The following RBFOX1 variants were observed in gnomAD, a reference collection of about 807,000 sequenced individuals.
RBFOX1 encodes RNA binding protein fox-1 homolog 1.
Under a neutral mutation model 57.7 loss-of-function variants are expected in RBFOX1, and 8 were observed. The ratio of observed to expected loss-of-function variants is 0.14; its 90% confidence interval spans 0.08 to 0.25. The LOEUF is 0.25. RBFOX1 is among the 10% of genes least tolerant of loss of function. RBFOX1 has a pLI of 1.00. For missense variants in RBFOX1, 611 were observed against 548.5 expected (o/e 1.11, Z -1.14); for synonymous variants, 326 against 222.4 (o/e 1.47, Z -4.15).
chr16:6,152,914 C>G (rs7192664), intron 1 of RBFOX1, among the ~76,000 whole-genome samples: 14,285 of 151,970 alleles, frequency 0.094, 1,499 homozygotes, highest in African/African-American at 0.26. Context: ...GGAAATAAGT[C>G]GATGGTTTTA....
intron 11 of RBFOX1, among the ~76,000 whole-genome samples, chr16:7,645,771 A>C (rs1165042250): frequency 6.6e-6 from 1 of 152,230 alleles, no homozygotes; most frequent in African/African-American, 2.4e-5. Context: ...ACTTCTAAAC[A>C]GCAGTATTTA....
chr16:5,428,576 C>CTGAA (rs894659442), intron 1 of RBFOX1, among the ~76,000 whole-genome samples: 1 of 152,088 alleles, frequency 6.6e-6, no homozygotes, highest in African/African-American at 2.4e-5. Flanking sequence ...AAACAGGCAG[C>CTGAA]TGAAAGAGGA....
chr16:5,714,715 A>G (rs892227785), intron 3 of RBFOX1, among the ~76,000 whole-genome samples: 13 of 152,246 alleles, frequency 8.5e-5, no homozygotes, highest in Non-Finnish European at 1.8e-4. Flanking sequence ...AAAAGCCATA[A>G]TAATAGGAAG....
chr16:6,961,145 C>CCACACACACACACACACA (rs1555682427), intron 3 of RBFOX1, among the ~76,000 whole-genome samples: 1 of 143,658 alleles, frequency 7.0e-6, no homozygotes, highest in Non-Finnish European at 1.5e-5. Flanking sequence ...TCACACACAC[C>CCACACACACACACACACA]CACACAGACA....
intron 3 of RBFOX1, among the ~76,000 whole-genome samples, chr16:5,865,086 A>G (rs554695601): frequency 1.4e-4 from 22 of 152,270 alleles, no homozygotes; most frequent in African/African-American, 4.8e-4. Flanking sequence ...GGAAACACTA[A>G]AAGTATGACT....
Position 5,947,798 on chromosome 16 carries a change from T to C in RBFOX1, c.351+80463T>C, listed in dbSNP as rs1024450625. Among the ~76,000 whole-genome samples the C allele has an allele frequency of 2.0e-5, 3 of 152,238 alleles. No individual in the cohort carries two copies. The highest frequency in any genetic ancestry group is 2.9e-5 in the Non-Finnish European group (2 of 68,050). On this transcript the variant is annotated intron_variant, in intron 4 of 19. Transcript: ENST00000641259. The surrounding 1 kb of genome is among the most constrained non-coding windows in gnomAD (Gnocchi z 7.2). ...AAGGATACAGCTGCCCTTGGTATTCTTCATGGTGATAATGGAAACCTAAGT... is the reference window on the plus strand; with the variant it reads ...AAGGATACAGCTGCCCTTGGTATTCCTCATGGTGATAATGGAAACCTAAGT...
intron 3 of RBFOX1, among the ~76,000 whole-genome samples, chr16:6,986,845 A>T (rs905229141): frequency 6.6e-6 from 1 of 152,128 alleles, no homozygotes; most frequent in African/African-American, 2.4e-5. Flanking sequence ...GTCTTGGTTG[A>T]TGATTTATTA....
At chr16:6,542,066 C>G (rs543834233) in intron 2 of RBFOX1, among the ~76,000 whole-genome samples, 24 of 152,080 alleles carry the variant, frequency 1.6e-4, no homozygotes, top group Non-Finnish European at 2.9e-4. Flanking sequence ...GTAGCTGGGA[C>G]TACAGGTGTG....
chr16:5,733,233 A>G (rs2052447637), intron 3 of RBFOX1, among the ~76,000 whole-genome samples: 1 of 152,230 alleles, frequency 6.6e-6, no homozygotes, highest in South Asian at 2.1e-4. Context: ...CACAGTTTCT[A>G]AACTTTCACT....
At chr16:6,881,758 A>G (rs2062983978) in intron 3 of RBFOX1, among the ~76,000 whole-genome samples, 1 of 152,200 alleles carries the variant, frequency 6.6e-6, no homozygotes, top group Non-Finnish European at 1.5e-5. Flanking sequence ...TGAGCCAGGC[A>G]TGAGCTTATA....
At chr16:6,069,431 G>A (rs1324389270) in intron 1 of RBFOX1, among the ~76,000 whole-genome samples, 1 of 151,298 alleles carries the variant, frequency 6.6e-6, no homozygotes, top group Non-Finnish European at 1.5e-5. Context: ...GGGGATAAAG[G>A]GGGAGAGGGA....
intron 2 of RBFOX1, among the ~76,000 whole-genome samples, chr16:6,561,143 A>G (rs2153909673): frequency 6.6e-6 from 1 of 152,262 alleles, no homozygotes; most frequent in Non-Finnish European, 1.5e-5. Context: ...AAGTAATTGG[A>G]TACTAGTCTG....
chr16:6,554,970 A>G (rs906529269), intron 2 of RBFOX1, among the ~76,000 whole-genome samples: 151 of 152,310 alleles, frequency 9.9e-4, no homozygotes, highest in African/African-American at 3.6e-3. Context: ...GAGTACATCC[A>G]GGTTCTTTTC....
chr16:5,376,271 G>A (rs761675862), intron 1 of RBFOX1, among the ~76,000 whole-genome samples: 2 of 152,136 alleles, frequency 1.3e-5, no homozygotes, highest in Admixed American at 6.5e-5. Context: ...GAGCATGCGC[G>A]GAACTCTGAC....
At chr16:7,657,131 C>G (rs954909076) in intron 12 of RBFOX1, among the ~76,000 whole-genome samples, 4 of 152,044 alleles carry the variant, frequency 2.6e-5, no homozygotes. Context: ...AAAAGGTGTC[C>G]TAGGTCCATG....
intron 4 of RBFOX1, among the ~76,000 whole-genome samples, chr16:7,242,104 T>C (rs2094096390): frequency 6.6e-6 from 1 of 152,084 alleles, no homozygotes; most frequent in African/African-American, 2.4e-5. Context: ...ATTTCCAAAT[T>C]TTCCTTCTGT....
At chr16:5,264,182 A>G (rs1007731910) in intron 1 of RBFOX1, among the ~76,000 whole-genome samples, 2 of 152,178 alleles carry the variant, frequency 1.3e-5, no homozygotes, top group African/African-American at 4.8e-5. Flanking sequence ...TGCAGGATGT[A>G]GCTAGAGTGG....
intron 4 of RBFOX1, among the ~76,000 whole-genome samples, chr16:7,217,479 A>C (rs948101015): frequency 6.6e-6 from 1 of 151,656 alleles, no homozygotes; most frequent in African/African-American, 2.4e-5. Flanking sequence ...GAATATTTGG[A>C]AGCTTTGTTC....
chr16:5,559,115 TC>T (rs1289290801), intron 2 of RBFOX1, among the ~76,000 whole-genome samples: 1 of 131,308 alleles, frequency 7.6e-6, no homozygotes, highest in African/African-American at 3.0e-5. Context: ...TTTGTCTTGC[TC>T]CTCCATAGTA....
Sources: gnomAD v4.1 joint callset for allele counts (sites outside exome capture counted in the v4.1 genomes callset) on GRCh38, gnomAD v4.1.1 for gene constraint, Gnocchi (gnomAD v3.1) non-coding constraint, MANE v1.5 for transcripts, NCBI Gene and HGNC (gene_info 2026-07-23, HGNC 2026-07-21) for gene names.